The following PPM1H variants were observed in gnomAD, a reference collection of about 807,000 sequenced individuals.
The protein encoded by PPM1H is protein phosphatase, Mg2+/Mn2+ dependent 1H.
A neutral mutation model predicts 54.9 loss-of-function variants in PPM1H; 27 were observed. The ratio of observed to expected loss-of-function variants is 0.49; its 90% CI spans 0.36 to 0.68. The LOEUF (loss-of-function observed/expected upper bound fraction) is 0.68, where lower values mean the gene tolerates loss of function less well. PPM1H is among the 30% of genes least tolerant of loss of function. The probability of loss-of-function intolerance (pLI) is 0.00; values close to 1 mark genes in which losing one functional copy is unlikely to be tolerated. For synonymous variants in PPM1H, 305 were observed against 270.8 expected (o/e 1.13, Z -1.24); for missense variants, 596 against 667.8 (o/e 0.89, Z 1.19).
chr12:62,724,497 C>T (rs1485477487), intron 5 of PPM1H, among the ~76,000 whole-genome samples: 1 of 152,186 alleles, frequency 6.6e-6, no homozygotes, highest in East Asian at 1.9e-4. Flanking sequence ...TAGTTGGGAA[C>T]TCCTCAACAG....
chr12:62,839,742 T>G (rs1247964557), intron 1 of PPM1H, among the ~76,000 whole-genome samples: 1 of 151,908 alleles, frequency 6.6e-6, no homozygotes, highest in African/African-American at 2.4e-5. Flanking sequence ...TTAGTTTTAG[T>G]CCTTCTGGGT....
rs182038784 is a variant in PPM1H, at chr12:62,679,478, C to T, written c.1245+10221G>A. Among the ~76,000 whole-genome samples the T allele has an allele frequency of 1.1e-4, 16 of 152,206 alleles. 1 individual carries two copies. The East Asian group carries it at 1.7e-3, about 17-fold the overall frequency. ...TGAATGCTTTAGCCTAACAAAGTATCCTTAGAACTCCCCATTTTCCCTTTT... is the reference window on the plus strand; with the variant it reads ...TGAATGCTTTAGCCTAACAAAGTATTCTTAGAACTCCCCATTTTCCCTTTT... On this transcript the variant is annotated intron_variant, in intron 8 of 9. Coordinates refer to ENST00000228705, the MANE Select transcript of PPM1H (RefSeq NM_020700.2).
intron 4 of PPM1H, among the ~76,000 whole-genome samples, chr12:62,750,798 AT>A (rs1368828270): frequency 8.5e-5 from 13 of 152,194 alleles, no homozygotes; most frequent in African/African-American, 3.1e-4. Context: ...AATCTCAGTG[AT>A]TTCTTATTCA....
chr12:62,855,744 ATT>A (rs1869360314), intron 1 of PPM1H, among the ~76,000 whole-genome samples: 1 of 152,100 alleles, frequency 6.6e-6, no homozygotes, highest in South Asian at 2.1e-4. Flanking sequence ...ACTGAGTCCA[ATT>A]TTCATGCTTC....
chr12:62,677,594 G>A (rs142176707), intron 8 of PPM1H, among the ~76,000 whole-genome samples: 120 of 152,262 alleles, frequency 7.9e-4, no homozygotes, highest in Non-Finnish European at 6.2e-4. Flanking sequence ...TGTAGTGGCC[G>A]AACCCTGTAC....
rs949978561 is a variant in PPM1H, at chr12:62,671,733, T to A, written c.1246-4404A>T. Among the ~76,000 whole-genome samples the A allele has an allele frequency of 2.0e-5, 3 of 152,170 alleles. No individual in the cohort carries two copies. In the South Asian group the frequency reaches 6.2e-4, roughly 32 times the overall value. ...TTTCCCATGGGTCCCTTCTTGCACC[T>A]CCCCAACCTTCTTTTGGATTCCTGT... On this transcript the variant is annotated intron_variant, in intron 8 of 9. Coordinates refer to ENST00000228705, the MANE Select transcript of PPM1H (RefSeq NM_020700.2).
rs1319980738 is a variant in PPM1H, at chr12:62,648,775, G to C, written c.1398-139C>G. On this transcript the variant is annotated intron_variant, in intron 9 of 9. Transcript: ENST00000228705. ...ACACTTACAATACGAAAAAGACAAGGTCATCTTTTCCCAAAATGTAGGACA... is the reference window on the plus strand; with the variant it reads ...ACACTTACAATACGAAAAAGACAAGCTCATCTTTTCCCAAAATGTAGGACA... 27 of 996,340 alleles carry C rather than the reference G, an allele frequency of 2.7e-5. No individual in the cohort carries two copies. The East Asian group carries it at 6.3e-4, about 23-fold the overall frequency. 61.7% of individuals were successfully genotyped at this position (996,340 alleles called of 1,614,324 possible). A position where few individuals can be genotyped will look rare whatever the true frequency, so the allele number is the denominator to read the frequency against.
At chr12:62,850,098 AC>A (rs770445373) in intron 1 of PPM1H, among the ~76,000 whole-genome samples, 20 of 152,014 alleles carry the variant, frequency 1.3e-4, no homozygotes, top group Admixed American at 3.9e-4. Context: ...AGCAGCTGGA[AC>A]TACTGACGTG....
Position 62,734,023 on chromosome 12 carries a change from T to C in PPM1H, c.954+3479A>G, listed in dbSNP as rs183957334. ...TCCCCAGTGTGATGGCATTTAGATG[T>C]GGGGCCTTTGGGAAGTGATTAGGTC... On this transcript the variant is annotated intron_variant, in intron 5 of 9. Coordinates refer to ENST00000228705, the MANE Select transcript of PPM1H (RefSeq NM_020700.2). 4.7e-3 allele frequency among the ~76,000 whole-genome samples: 720 copies of C among 152,156 alleles called. 3 individuals carry two copies. The highest frequency in any genetic ancestry group is 0.016 in the African/African-American group (672 of 41,486).
At chr12:62,771,855 C>T (rs2076581794) in intron 4 of PPM1H, among the ~76,000 whole-genome samples, 1 of 152,128 alleles carries the variant, frequency 6.6e-6, no homozygotes, top group East Asian at 1.9e-4. Flanking sequence ...ATGGCAGAGG[C>T]TCAGGGGTTT....
At chr12:62,749,291 G>A (rs142872134) in intron 4 of PPM1H, among the ~76,000 whole-genome samples, 1 of 152,274 alleles carries the variant, frequency 6.6e-6, no homozygotes, top group African/African-American at 2.4e-5. Flanking sequence ...GATTCGAAAC[G>A]CAACATTAAA....
chr12:62,916,116 C>T (rs992059167), intron 1 of PPM1H, among the ~76,000 whole-genome samples: 1 of 152,190 alleles, frequency 6.6e-6, no homozygotes, highest in African/African-American at 2.4e-5. Context: ...GTCTCCCCTG[C>T]TAACTTGTGA....
At chr12:62,743,589 C>A (rs372494581) in intron 4 of PPM1H, among the ~76,000 whole-genome samples, 1 of 151,900 alleles carries the variant, frequency 6.6e-6, no homozygotes, top group African/African-American at 2.4e-5. Context: ...ATGGTCACTT[C>A]GAATATTAAC....
chr12:62,746,253 G>A (rs1302649395), intron 4 of PPM1H, among the ~76,000 whole-genome samples: 1 of 152,024 alleles, frequency 6.6e-6, no homozygotes, highest in African/African-American at 2.4e-5. Context: ...CCTGCAGCCT[G>A]AGCATTCTGT....
chr12:62,846,915 G>C (rs1868993075), intron 1 of PPM1H, among the ~76,000 whole-genome samples: 1 of 152,172 alleles, frequency 6.6e-6, no homozygotes, highest in African/African-American at 2.4e-5. Flanking sequence ...AGGTTAATGG[G>C]CTACTGTGTG....
chr12:62,708,390 A>G (rs2076187444), intron 6 of PPM1H, among the ~76,000 whole-genome samples: 1 of 152,192 alleles, frequency 6.6e-6, no homozygotes, highest in Admixed American at 6.5e-5. Context: ...CCCCCAGGCC[A>G]CCGCAGGTGA....
chr12:62,811,751 G>A (rs1004773608), intron 2 of PPM1H, among the ~76,000 whole-genome samples: 2 of 152,172 alleles, frequency 1.3e-5, no homozygotes, highest in Admixed American at 6.5e-5. Context: ...ACCATGTGAA[G>A]AAGGATGTGT....
At position 62,894,596 on chromosome 12, in the gene PPM1H, C is replaced by T. The variant is rs181756092; in HGVS notation, c.245+39896G>A. Among the ~76,000 whole-genome samples, 13 of 152,290 alleles carry T rather than the reference C, an allele frequency of 8.5e-5. No individual in the cohort carries two copies. The East Asian group carries it at 2.3e-3, about 27-fold the overall frequency. On this transcript the variant is annotated intron_variant, in intron 1 of 9. Coordinates refer to ENST00000228705, the MANE Select transcript of PPM1H (RefSeq NM_020700.2). ...ATCTATAAAACAGGGACAATACAAC[C>T]TACCTCCCAGATTTAAAAATATTAG...
intron 1 of PPM1H, among the ~76,000 whole-genome samples, chr12:62,856,900 C>T (rs184907705): frequency 5.9e-5 from 9 of 152,088 alleles, no homozygotes; most frequent in African/African-American, 2.2e-4. Flanking sequence ...TCACAGGGTA[C>T]CAGACACTTG....
Sources: allele counts gnomAD v4.1 joint callset (sites outside exome capture counted in the v4.1 genomes callset), GRCh38; gene constraint gnomAD v4.1.1; transcripts MANE v1.5; gene names NCBI Gene and HGNC (gene_info 2026-07-23, HGNC 2026-07-21).